PRKAR1B: variants seen among roughly 807,000 people sequenced by gnomAD.
PRKAR1B encodes the protein protein kinase cAMP-dependent type I regulatory subunit beta.
A neutral mutation model predicts 46.5 loss-of-function variants in PRKAR1B; 22 were observed. That is an observed-to-expected ratio of 0.47 (90% CI 0.34 to 0.68). The LOEUF is 0.68. PRKAR1B is among the 30% of genes least tolerant of loss of function. The pLI is 0.01. For synonymous variants in PRKAR1B, 259 were observed against 217.7 expected (o/e 1.19, Z -1.67); for missense variants, 445 against 535.6 (o/e 0.83, Z 1.67).
In PRKAR1B at chr7:667,596, C is replaced by T. The variant is rs1297057402; in HGVS notation, c.440+9633G>A. 6.6e-6 allele frequency among the ~76,000 whole-genome samples: 1 copy of T among 152,228 alleles called. No individual in the cohort carries two copies. The highest frequency in any genetic ancestry group is 1.5e-5 in the Non-Finnish European group (1 of 68,040). ...GGACAGTATGGACCCCGCTCACTGG[C>T]AATGCCTAAATCACCCATTCTCAAT... On this transcript the variant is annotated intron_variant, in intron 4 of 10. Coordinates refer to ENST00000537384, the MANE Select transcript of PRKAR1B (RefSeq NM_001164760.2). This position sits in a 1 kb window ranked among gnomAD's most constrained non-coding sequence, Gnocchi z 4.3.
chr7:561,767 C>G (rs754549353), intron 9 of PRKAR1B, among the ~76,000 whole-genome samples: 1 of 152,256 alleles, frequency 6.6e-6, no homozygotes, highest in Non-Finnish European at 1.5e-5. Context: ...AGGTCTGGGG[C>G]CCGGCAAAGG....
chr7:637,077 G>A (rs1025449587), intron 4 of PRKAR1B, among the ~76,000 whole-genome samples: 14 of 152,182 alleles, frequency 9.2e-5, no homozygotes, highest in African/African-American at 2.7e-4. Flanking sequence ...TTTGAGCTCA[G>A]GACTTTGAGA....
At chr7:617,288 G>A (rs914068691) in intron 4 of PRKAR1B, among the ~76,000 whole-genome samples, 2 of 144,408 alleles carry the variant, frequency 1.4e-5, no homozygotes, top group African/African-American at 2.6e-5. Flanking sequence ...GCACCACGCA[G>A]GACCAAGTGC....
intron 2 of PRKAR1B, among the ~76,000 whole-genome samples, chr7:706,591 T>TC (rs1780341850): frequency 6.8e-6 from 1 of 146,458 alleles, no homozygotes; most frequent in African/African-American, 2.5e-5. Context: ...GCTAATTTTT[T>TC]TTTTTTTTTT....
At chr7:605,457 G>A (rs924456672) in intron 6 of PRKAR1B, among the ~76,000 whole-genome samples, 2 of 152,246 alleles carry the variant, frequency 1.3e-5, no homozygotes, top group African/African-American at 2.4e-5. Context: ...ATGGGAGCCA[G>A]AGGCTCTGGG....
chr7:558,045 G>C (rs1469450648), intron 9 of PRKAR1B, among the ~76,000 whole-genome samples: 3 of 152,128 alleles, frequency 2.0e-5, no homozygotes, highest in Non-Finnish European at 4.4e-5. Flanking sequence ...CAGACGTAGT[G>C]GCTCACGCCT....
intron 9 of PRKAR1B, among the ~76,000 whole-genome samples, chr7:577,737 G>A (rs1471476404): frequency 2.0e-5 from 3 of 152,242 alleles, no homozygotes; most frequent in South Asian, 4.1e-4. Context: ...GGGCACAGGT[G>A]ATGCATGTGG....
chr7:600,468 G>T (rs1781525919), intron 6 of PRKAR1B, among the ~76,000 whole-genome samples: 2 of 152,220 alleles, frequency 1.3e-5, no homozygotes, highest in African/African-American at 4.8e-5. Context: ...CTCCCAGCCT[G>T]GGCGACAGAG....
At chr7:655,100 A>C (rs1785128032) in intron 4 of PRKAR1B, among the ~76,000 whole-genome samples, 1 of 152,180 alleles carries the variant, frequency 6.6e-6, no homozygotes, top group Admixed American at 6.5e-5. Flanking sequence ...TGGGTTTTCC[A>C]CTTCTGCCCT....
At chr7:723,411 CAT>C (rs1051878471) in intron 1 of PRKAR1B, among the ~76,000 whole-genome samples, 1 of 152,134 alleles carries the variant, frequency 6.6e-6, no homozygotes, top group African/African-American at 2.4e-5. Context: ...TGCAGGAACA[CAT>C]GAGAGAAAAA....
chr7:723,704 A>G (rs995931094), intron 1 of PRKAR1B, among the ~76,000 whole-genome samples: 34 of 152,192 alleles, frequency 2.2e-4, no homozygotes, highest in African/African-American at 7.7e-4. Context: ...GATCTTGCCA[A>G]TGCTCCCACC....
intron 9 of PRKAR1B, among the ~76,000 whole-genome samples, chr7:574,801 A>C (rs2128439303): frequency 6.6e-6 from 1 of 152,320 alleles, no homozygotes; most frequent in African/African-American, 2.4e-5. Flanking sequence ...AAGTAATCCA[A>C]ATGTTTAAAA....
At chr7:604,168 C>A (rs185397160) in intron 6 of PRKAR1B, among the ~76,000 whole-genome samples, 1 of 152,230 alleles carries the variant, frequency 6.6e-6, no homozygotes, top group Non-Finnish European at 1.5e-5. Context: ...GGGGCCACCT[C>A]CTGGGACGGG....
At chr7:694,428 A>C (rs1779612271) in intron 2 of PRKAR1B, among the ~76,000 whole-genome samples, 1 of 151,906 alleles carries the variant, frequency 6.6e-6, no homozygotes. Context: ...GCTCCAACAG[A>C]TCCCACAAAG....
At chr7:585,852 A>G (rs986920387) in intron 7 of PRKAR1B, among the ~76,000 whole-genome samples, 2 of 152,194 alleles carry the variant, frequency 1.3e-5, no homozygotes, top group Non-Finnish European at 2.9e-5. Context: ...CCGCCTCTCA[A>G]CTTGAATGGG....
At chr7:580,755 A>C (rs990855049) in intron 8 of PRKAR1B, among the ~76,000 whole-genome samples, 7 of 152,130 alleles carry the variant, frequency 4.6e-5, no homozygotes, top group Middle Eastern at 3.4e-3. Flanking sequence ...AAAAAAAAAA[A>C]AAAAAAAACA....
chr7:587,046 G>A (rs532245538), intron 7 of PRKAR1B, among the ~76,000 whole-genome samples: 1 of 152,184 alleles, frequency 6.6e-6, no homozygotes, highest in African/African-American at 2.4e-5. Flanking sequence ...ACCATGCCCA[G>A]CTAATGTTTT....
intron 9 of PRKAR1B, among the ~76,000 whole-genome samples, chr7:552,516 G>A (rs1414950386): frequency 6.6e-6 from 1 of 150,658 alleles, no homozygotes; most frequent in African/African-American, 2.4e-5. Flanking sequence ...TCCTTCTCCA[G>A]AGCCACTGCC....
At position 662,766 on chromosome 7, in the gene PRKAR1B, C is replaced by T. The variant is rs574222841; in HGVS notation, c.440+14463G>A. Among the ~76,000 whole-genome samples the T allele has an allele frequency of 3.3e-5, 5 of 152,324 alleles. No homozygotes were observed. In the South Asian group the frequency reaches 1.0e-3, roughly 32 times the overall value. ...GAGCTCCCCTCCAGTCCCACGGGCA[C>T]CCACAGCAGAGTCTGAGCAAGTCTC... On this transcript the variant is annotated intron_variant, in intron 4 of 10. Transcript: ENST00000537384.
Sources: gnomAD v4.1 joint callset for allele counts (sites outside exome capture counted in the v4.1 genomes callset) on GRCh38, gnomAD v4.1.1 for gene constraint, Gnocchi (gnomAD v3.1) non-coding constraint, MANE v1.5 for transcripts, NCBI Gene and HGNC (gene_info 2026-07-23, HGNC 2026-07-21) for gene names.